ENTPD1: variants seen among roughly 807,000 people sequenced by gnomAD.
ENTPD1 encodes ectonucleoside triphosphate diphosphohydrolase 1.
Under a neutral mutation model 57.0 loss-of-function variants are expected in ENTPD1, and 33 were observed. The observed-to-expected ratio is 0.58, with a 90% CI of 0.44 to 0.77. The LOEUF (loss-of-function observed/expected upper bound fraction) is 0.77. Ranked by LOEUF, ENTPD1 falls within the 30% of genes least tolerant of loss-of-function variation. The pLI is 0.00. For synonymous variants in ENTPD1, 202 were observed against 218.8 expected (o/e 0.92, Z 0.68); for missense variants, 501 against 603.4 (o/e 0.83, Z 1.78).
chr10:95,778,761 T>G (rs902004250), intron 1 of ENTPD1, among the ~76,000 whole-genome samples: 1 of 152,232 alleles, frequency 6.6e-6, no homozygotes, highest in African/African-American at 2.4e-5. Flanking sequence ...ATGATAGTAA[T>G]TAATGTTTTC....
intron 1 of ENTPD1, among the ~76,000 whole-genome samples, chr10:95,722,039 T>G (rs998257641): frequency 2.0e-5 from 3 of 152,196 alleles, no homozygotes; most frequent in African/African-American, 7.2e-5. Context: ...AAAACAGTTC[T>G]TATGCAAATT....
rs555003660 is a variant in ENTPD1 at position 95,780,968 on chromosome 10, G to A, written c.16+24713G>A. 4.6e-5 allele frequency among the ~76,000 whole-genome samples: 7 copies of A among 152,112 alleles called. No individual in the cohort carries two copies. In the East Asian group the frequency reaches 7.7e-4, roughly 17 times the overall value. ...AAGAGATATCTGCCCTCCCATGTTC[G>A]TTGCAGCATTATTCACAATAGCTAA... On this transcript the variant is annotated intron_variant, in intron 1 of 9. Transcript: ENST00000371205.
At chr10:95,813,179 G>GC (rs2098315092) in intron 1 of ENTPD1, among the ~76,000 whole-genome samples, 3 of 152,172 alleles carry the variant, frequency 2.0e-5, no homozygotes, top group Non-Finnish European at 2.9e-5. Flanking sequence ...GGGAAGTATA[G>GC]CCTCCAGTCA....
chr10:95,806,464 C>T (rs2098272864), intron 1 of ENTPD1, among the ~76,000 whole-genome samples: 1 of 152,164 alleles, frequency 6.6e-6, no homozygotes, highest in Admixed American at 6.5e-5. Flanking sequence ...TTTGTTATTA[C>T]TAACCTTCTG....
intron 1 of ENTPD1, among the ~76,000 whole-genome samples, chr10:95,795,993 C>T (rs1364780617): frequency 6.6e-6 from 1 of 152,140 alleles, no homozygotes; most frequent in East Asian, 1.9e-4. Context: ...CCCCTTGCTT[C>T]CTAGAAAACA....
rs1199663567 is a variant in ENTPD1, at chr10:95,870,479, A to G, written c.*4096A>G. On this transcript the variant is annotated 3_prime_UTR_variant, in exon 10 of 10. Coordinates refer to ENST00000371205, the MANE Select transcript of ENTPD1 (RefSeq NM_001776.6). Reference sequence around the variant, plus strand: ...TTTTCTGTAGAGACAGGGTTTTCCTATGTTGTCCAGGCTGGTCTCGAACTC... The same window carrying G: ...TTTTCTGTAGAGACAGGGTTTTCCTGTGTTGTCCAGGCTGGTCTCGAACTC... 4.9e-6 allele frequency: 4 copies of G among 814,804 alleles called. No homozygotes were observed. The South Asian group carries it at 1.7e-4, about 34-fold the overall frequency. The allele number at this position is 814,804 out of a possible 1,614,324, so 50.5% of individuals were successfully genotyped here. A position where few individuals can be genotyped will look rare whatever the true frequency, so the allele number is the denominator to read the frequency against.
At chr10:95,694,536 TTTG>T in the ENTPD1 span, among the ~76,000 whole-genome samples, 10 of 151,926 alleles carry the variant, frequency 6.6e-5, no homozygotes, top group Admixed American at 2.6e-4. Flanking sequence ...GGACTGCATG[TTTG>T]TTGTTAGAAA....
Position 95,730,226 on chromosome 10 carries a change from T to G in ENTPD1, c.37+18233T>G, listed in dbSNP as rs77402468. Among the ~76,000 whole-genome samples the G allele has an allele frequency of 1.1e-3, 171 of 152,072 alleles. 4 individuals are homozygous for G. The East Asian group carries it at 0.031, about 28-fold the overall frequency. Reference sequence around the variant, plus strand: ...ATTAATTTCTGTGTTCTTTTGTTTTTTTTTTTTTGTTACAGACAAGGTCCC... The same window carrying G: ...ATTAATTTCTGTGTTCTTTTGTTTTGTTTTTTTTGTTACAGACAAGGTCCC... On this transcript the variant is annotated intron_variant, in intron 1 of 9. Transcript: ENST00000453258.
chr10:95,757,011 G>A (rs552506389), intron 1 of ENTPD1, among the ~76,000 whole-genome samples: 116 of 152,328 alleles, frequency 7.6e-4, no homozygotes, highest in African/African-American at 2.6e-3. Context: ...CTGCCAAGAC[G>A]GAGAGCCAGC....
intron 1 of ENTPD1, among the ~76,000 whole-genome samples, chr10:95,729,085 A>C (rs2097986665): frequency 6.6e-6 from 1 of 151,986 alleles, no homozygotes; most frequent in Non-Finnish European, 1.5e-5. Flanking sequence ...CAAATTTCTA[A>C]AAATTTTAAA....
chr10:95,813,530 G>A (rs2140465691), intron 1 of ENTPD1, among the ~76,000 whole-genome samples: 1 of 152,284 alleles, frequency 6.6e-6, no homozygotes, highest in African/African-American at 2.4e-5. Context: ...GATATCAGTG[G>A]TGGAGCCTTT....
At chr10:95,740,324 C>T (rs1222348443) in intron 1 of ENTPD1, among the ~76,000 whole-genome samples, 2 of 152,138 alleles carry the variant, frequency 1.3e-5, no homozygotes, top group African/African-American at 4.8e-5. Flanking sequence ...GGGGTTTTAC[C>T]ATGTTGGCCA....
intron 1 of ENTPD1, among the ~76,000 whole-genome samples, chr10:95,789,055 G>A (rs1382516163): frequency 6.6e-6 from 1 of 152,166 alleles, no homozygotes; most frequent in East Asian, 1.9e-4. Flanking sequence ...AACAGGAAGA[G>A]GAATGCATAG....
chr10:95,727,960 GTTA>G (rs1331995534), intron 1 of ENTPD1, among the ~76,000 whole-genome samples: 2 of 152,140 alleles, frequency 1.3e-5, no homozygotes, highest in African/African-American at 4.8e-5. Context: ...TTATTATTAA[GTTA>G]TTATCCTTCC....
At position 95,867,126 on chromosome 10, in the gene ENTPD1, G is replaced by C. The variant is rs1486292575; in HGVS notation, c.*743G>C. 1 of 985,710 alleles carries C rather than the reference G, an allele frequency of 1.0e-6. No homozygotes were observed. The highest frequency in any genetic ancestry group is 1.2e-6 in the Non-Finnish European group (1 of 830,270). The allele number at this position is 985,710 out of a possible 1,614,324, so 61.1% of individuals were successfully genotyped here. A position where few individuals can be genotyped will look rare whatever the true frequency, so the allele number is the denominator to read the frequency against. On this transcript the variant is annotated 3_prime_UTR_variant, in exon 10 of 10. Transcript: ENST00000371205. ...AACATCAGGGCTTACTATGAGGTAGGTGGTATATACATGTCACAAATAAAA... is the reference window on the plus strand; with the variant it reads ...AACATCAGGGCTTACTATGAGGTAGCTGGTATATACATGTCACAAATAAAA...
intron 2 of ENTPD1, among the ~76,000 whole-genome samples, chr10:95,838,780 C>A (rs1300237017): frequency 6.6e-6 from 1 of 152,104 alleles, no homozygotes; most frequent in East Asian, 1.9e-4. Flanking sequence ...GTAGCTACCC[C>A]TCATTTAATG....
At chr10:95,756,117 G>A, upstream of ENTPD1, 1 of 1,532,644 alleles carries the variant, frequency 6.5e-7, no homozygotes, top group Non-Finnish European at 8.8e-7. Flanking sequence ...CCCCTCCCAC[G>A]AGCCCAAGGG....
chr10:95,795,429 G>T (rs1213980747), intron 1 of ENTPD1, among the ~76,000 whole-genome samples: 2 of 152,072 alleles, frequency 1.3e-5, no homozygotes, highest in Admixed American at 1.3e-4. Flanking sequence ...ATTCTGTTTG[G>T]GCACAATAGG....
intron 2 of ENTPD1, chr10:95,839,418 C>G: frequency 2.2e-6 from 1 of 455,102 alleles, no homozygotes; most frequent in South Asian, 2.1e-5. Flanking sequence ...ATTAGAATCA[C>G]CTAAGAAGCT....
Sources: gnomAD v4.1 joint callset for allele counts (sites outside exome capture counted in the v4.1 genomes callset) on GRCh38, gnomAD v4.1.1 for gene constraint, MANE v1.5 for transcripts, NCBI Gene and HGNC (gene_info 2026-07-23, HGNC 2026-07-21) for gene names.